The following PAPPA2 variants were observed in gnomAD, a reference collection of about 807,000 sequenced individuals.
The protein encoded by PAPPA2 is pappalysin-2.
PAPPA2 carries 86 observed loss-of-function variants against 176.4 expected under a neutral mutation model. The ratio of observed to expected loss-of-function variants is 0.49; its 90% CI spans 0.41 to 0.58. PAPPA2 has a LOEUF of 0.58. Among genes scored for constraint, PAPPA2 ranks in the 20% least tolerant of loss-of-function variants. The pLI is 0.00. For synonymous variants in PAPPA2, 809 were observed against 852.2 expected, an observed-to-expected ratio of 0.95 and a Z score of 0.88; for missense variants, 2,073 against 2,256.9, an observed-to-expected ratio of 0.92 and a Z score of 1.65.
chr1:176,665,245 A>G (rs757847751), intron 3 of PAPPA2, among the ~76,000 whole-genome samples: 2 of 152,162 alleles, frequency 1.3e-5, no homozygotes, highest in Non-Finnish European at 1.5e-5. Flanking sequence ...TCCTCATACA[A>G]TGTACCTTTT....
chr1:176,740,997 C>A (rs1480328074), intron 14 of PAPPA2, among the ~76,000 whole-genome samples: 2 of 152,098 alleles, frequency 1.3e-5, no homozygotes. Flanking sequence ...AAAAGAAATT[C>A]TGGTGCCACA....
intron 15 of PAPPA2, 124 bp downstream of exon 15, chr1:176,765,961 G>A: frequency 8.8e-7 from 1 of 1,135,702 alleles, no homozygotes; most frequent in South Asian, 1.6e-5. Context: ...AAAACATGGG[G>A]GCTCTAACAA....
rs1414294251 is a variant in PAPPA2, at chr1:176,773,971, A to G, written c.4715+2791A>G. 2.0e-5 allele frequency among the ~76,000 whole-genome samples: 3 copies of G among 152,144 alleles called. No homozygotes were observed. The East Asian group carries it at 5.8e-4, about 29-fold the overall frequency. Reference sequence around the variant, plus strand: ...CATGCTCTATGCCAGTCTCTGGGTTAGGAATAAAGACAGACACATAAATAA... The same window carrying G: ...CATGCTCTATGCCAGTCTCTGGGTTGGGAATAAAGACAGACACATAAATAA... On this transcript the variant is annotated intron_variant, in intron 17 of 22. Transcript: ENST00000367662.
chr1:176,535,098 G>A (rs1396465617), intron 1 of PAPPA2, among the ~76,000 whole-genome samples: 1 of 152,072 alleles, frequency 6.6e-6, no homozygotes, highest in Non-Finnish European at 1.5e-5. Context: ...CCTACAGGGT[G>A]GAGAAAAATG....
intron 3 of PAPPA2, among the ~76,000 whole-genome samples, chr1:176,637,221 C>G (rs1014135075): frequency 1.3e-5 from 2 of 151,880 alleles, no homozygotes. Context: ...GGCTGAAGAG[C>G]AAGAACATAA....
chr1:176,645,245 C>T (rs1047475844), intron 3 of PAPPA2, among the ~76,000 whole-genome samples: 1 of 151,656 alleles, frequency 6.6e-6, no homozygotes, highest in Non-Finnish European at 1.5e-5. Flanking sequence ...TATCCTCCCT[C>T]CCTTCTATCA....
At chr1:176,494,862 C>A (rs1415870911) in intron 1 of PAPPA2, among the ~76,000 whole-genome samples, 3 of 152,192 alleles carry the variant, frequency 2.0e-5, no homozygotes, top group Non-Finnish European at 2.9e-5. Flanking sequence ...AACCATCTAA[C>A]TGTAAATTTC....
intron 1 of PAPPA2, among the ~76,000 whole-genome samples, chr1:176,531,088 G>A (rs1305230958): frequency 6.6e-6 from 1 of 152,170 alleles, no homozygotes; most frequent in Non-Finnish European, 1.5e-5. Flanking sequence ...GGAACTGAAT[G>A]TTCTAATTTG....
intron 21 of PAPPA2, among the ~76,000 whole-genome samples, chr1:176,810,716 C>T (rs1449805452): frequency 6.6e-6 from 1 of 152,190 alleles, no homozygotes; most frequent in Non-Finnish European, 1.5e-5. Flanking sequence ...GCTAGAAATG[C>T]AGAATCTTAG....
In PAPPA2 at chr1:176,556,933, G is replaced by C; in HGVS notation, c.611G>C (p.Arg204Thr). 2 of 1,614,106 alleles carry C rather than the reference G, an allele frequency of 1.2e-6. No individual in the cohort carries two copies. The highest frequency in any genetic ancestry group is 1.7e-6 in the Non-Finnish European group (2 of 1,180,020). The change falls in exon 2 of 23, where the codon AGG becomes ACG. Residue 204 changes from arginine (R) to threonine (T), a missense_variant. Physicochemically the swap from Arg to Thr is moderately conservative, Grantham distance 71. Around this residue, in one of 4 missense-constraint regions of PAPPA2, gnomAD observed 1,196 missense variants for 1,330.4 expected, o/e 0.90. Coordinates refer to ENST00000367662, the MANE Select transcript of PAPPA2 (RefSeq NM_020318.3). ...AGGCAGCGTCGCCAAGTGTGGAAGA[G>C]GCGGGCGGAAGATGGGCAGGGAGAC... ...KSRQRRQVWK[R>T]RAEDGQGDSG...
chr1:176,622,764 GA>G (rs1368414553), intron 3 of PAPPA2, among the ~76,000 whole-genome samples: 2 of 152,110 alleles, frequency 1.3e-5, no homozygotes. Flanking sequence ...AAGTCCAAGA[GA>G]AATAAAAATG....
At chr1:176,619,246 A>G (rs937328003) in intron 3 of PAPPA2, among the ~76,000 whole-genome samples, 1 of 152,236 alleles carries the variant, frequency 6.6e-6, no homozygotes, top group East Asian at 1.9e-4. Context: ...TTAGAGTTAA[A>G]CAGATTGAAG....
chr1:176,562,869 G>A (rs2102600496), intron 2 of PAPPA2, among the ~76,000 whole-genome samples: 1 of 152,306 alleles, frequency 6.6e-6, no homozygotes, highest in South Asian at 2.1e-4. Flanking sequence ...TTTAAGAAGT[G>A]AAACAGACTG....
chr1:176,829,119 G>A (rs921935800), intron 21 of PAPPA2, among the ~76,000 whole-genome samples: 3 of 152,134 alleles, frequency 2.0e-5, no homozygotes, highest in Non-Finnish European at 4.4e-5. Flanking sequence ...TAAAGAGCTG[G>A]ATGTGGTATC....
chr1:176,515,601 G>A (rs914585722), intron 1 of PAPPA2, among the ~76,000 whole-genome samples: 1 of 152,114 alleles, frequency 6.6e-6, no homozygotes, highest in Admixed American at 6.6e-5. Context: ...GCATCAATCC[G>A]GTGCTTTCTG....
At chr1:176,731,811 C>A (rs1221236075) in intron 12 of PAPPA2, among the ~76,000 whole-genome samples, 1 of 151,890 alleles carries the variant, frequency 6.6e-6, no homozygotes, top group Non-Finnish European at 1.5e-5. Context: ...ATTCTTACAT[C>A]TTTTCAACTT....
chr1:176,773,282 C>A (rs1041962446), intron 17 of PAPPA2, among the ~76,000 whole-genome samples: 1 of 152,168 alleles, frequency 6.6e-6, no homozygotes, highest in Non-Finnish European at 1.5e-5. Flanking sequence ...CAGAAGTTTG[C>A]AAGTCTGGCA....
At chr1:176,525,303 CATTT>C (rs1014150936) in intron 1 of PAPPA2, among the ~76,000 whole-genome samples, 2 of 152,160 alleles carry the variant, frequency 1.3e-5, no homozygotes, top group African/African-American at 2.4e-5. Flanking sequence ...TCATTTCAAG[CATTT>C]ATCTGTGAAG....
intron 9 of PAPPA2, among the ~76,000 whole-genome samples, chr1:176,703,230 A>G (rs1660741238): frequency 6.6e-6 from 1 of 152,222 alleles, no homozygotes; most frequent in African/African-American, 2.4e-5. Flanking sequence ...AACCCTTAGT[A>G]GAACTGATAA....
Sources: gnomAD v4.1 joint callset for allele counts (sites outside exome capture counted in the v4.1 genomes callset) on GRCh38, gnomAD v4.1.1 for gene constraint, gnomAD v4.1.1 regional missense constraint, MANE v1.5 for transcripts, NCBI Gene and HGNC (gene_info 2026-07-23, HGNC 2026-07-21) for gene names.